The following GTF2F2 variants were observed in gnomAD, a reference collection of about 807,000 sequenced individuals.
GTF2F2 encodes ATP-dependent helicase GTF2F2.
A neutral mutation model predicts 42.2 loss-of-function variants in GTF2F2; 23 were observed. The observed-to-expected ratio is 0.55, with a 90% confidence interval of 0.39 to 0.77. The LOEUF (loss-of-function observed/expected upper bound fraction) is 0.77, where lower values mean the gene tolerates loss of function less well. Ranked by LOEUF, GTF2F2 falls within the 30% of genes least tolerant of loss-of-function variation. The pLI is 0.00. For missense variants in GTF2F2, 261 were observed against 287.2 expected, an observed-to-expected ratio of 0.91 and a Z score of 0.66; for synonymous variants, 105 against 100.8, an observed-to-expected ratio of 1.04 and a Z score of -0.25.
intron 5 of GTF2F2, among the ~76,000 whole-genome samples, chr13:45,243,725 A>G (rs1875443463): frequency 6.6e-6 from 1 of 152,152 alleles, no homozygotes; most frequent in Non-Finnish European, 1.5e-5. Context: ...CAGTGGCACA[A>G]TCTTGGCTCA....
intron 2 of GTF2F2, among the ~76,000 whole-genome samples, chr13:45,145,534 A>T (rs1870149741): frequency 6.6e-6 from 1 of 152,190 alleles, no homozygotes; most frequent in African/African-American, 2.4e-5. Context: ...CCCCACACAC[A>T]TCCCTCTTTA....
chr13:45,262,353 G>A (rs894067452), intron 6 of GTF2F2, among the ~76,000 whole-genome samples: 4 of 152,140 alleles, frequency 2.6e-5, no homozygotes, highest in Non-Finnish European at 4.4e-5. Flanking sequence ...TAGTCTGGGC[G>A]ACAGAGTGAG....
intron 5 of GTF2F2, among the ~76,000 whole-genome samples, chr13:45,230,368 G>A (rs1874614073): frequency 6.6e-6 from 1 of 152,184 alleles, no homozygotes; most frequent in Non-Finnish European, 1.5e-5. Flanking sequence ...AAGGGTGGTT[G>A]GAGGAGAATC....
intron 1 of GTF2F2, among the ~76,000 whole-genome samples, chr13:45,129,697 A>G (rs937181606): frequency 1.1e-4 from 17 of 152,254 alleles, no homozygotes; most frequent in African/African-American, 3.9e-4. Context: ...GAGATATGAC[A>G]GTAAACAAAA....
intron 5 of GTF2F2, among the ~76,000 whole-genome samples, chr13:45,211,774 A>G (rs925765982): frequency 3.3e-5 from 5 of 150,606 alleles, no homozygotes. Flanking sequence ...TTTAGGAGAG[A>G]CGGGTTTCTC....
In GTF2F2 at chr13:45,202,440, G is replaced by GGTGTGT. The variant is rs78236433; in HGVS notation, c.305-4974_305-4969dup. Among the ~76,000 whole-genome samples the GGTGTGT allele has an allele frequency of 9.9e-5, 15 of 151,620 alleles. 1 individual carries two copies. In the South Asian group the frequency reaches 2.3e-3, roughly 23 times the overall value. ...TGATCTCTAGCTAGACATCTGAGTG[G>GGTGTGT]GTGTGTGTGTGTGTGCAAGTACATG... is the stretch of plus-strand genomic sequence containing the variant. On this transcript the variant is annotated intron_variant, in intron 4 of 7. Coordinates refer to ENST00000340473, the MANE Select transcript of GTF2F2 (RefSeq NM_004128.3).
At chr13:45,251,016 A>G (rs908934233) in intron 5 of GTF2F2, among the ~76,000 whole-genome samples, 20 of 152,260 alleles carry the variant, frequency 1.3e-4, no homozygotes, top group African/African-American at 4.6e-4. Context: ...TATTTAAAGG[A>G]TAAGCATGGA....
intron 4 of GTF2F2, 83 bp downstream of exon 4, chr13:45,151,914 T>A: frequency 3.0e-6 from 1 of 330,076 alleles, no homozygotes; most frequent in Non-Finnish European, 5.3e-6. Flanking sequence ...CTATTTGCTT[T>A]TTTTTTTTTT....
At chr13:45,208,370 C>A (rs1873502007) in intron 5 of GTF2F2, among the ~76,000 whole-genome samples, 2 of 151,934 alleles carry the variant, frequency 1.3e-5, no homozygotes, top group African/African-American at 4.8e-5. Context: ...TTTTTTAAGC[C>A]CTGAGGAAAT....
At chr13:45,198,403 A>G (rs1349750288) in intron 4 of GTF2F2, among the ~76,000 whole-genome samples, 1 of 152,250 alleles carries the variant, frequency 6.6e-6, no homozygotes, top group Non-Finnish European at 1.5e-5. Flanking sequence ...CGACTGGAAG[A>G]TACAAAAAGT....
At chr13:45,170,266 C>T (rs1871527073) in intron 4 of GTF2F2, among the ~76,000 whole-genome samples, 1 of 152,196 alleles carries the variant, frequency 6.6e-6, no homozygotes, top group Admixed American at 6.5e-5. Flanking sequence ...CCTGCCTTGG[C>T]CTGCCAAAGT....
intron 4 of GTF2F2, among the ~76,000 whole-genome samples, chr13:45,157,237 G>A (rs1173007763): frequency 6.6e-6 from 1 of 152,152 alleles, no homozygotes; most frequent in Non-Finnish European, 1.5e-5. Flanking sequence ...GTGGCCAAGA[G>A]GTCAGTGTGG....
At chr13:45,142,208 C>G (rs923922307) in intron 2 of GTF2F2, among the ~76,000 whole-genome samples, 1 of 152,184 alleles carries the variant, frequency 6.6e-6, no homozygotes, top group Non-Finnish European at 1.5e-5. Flanking sequence ...GCTCTGTTGC[C>G]CAGGCTGGAG....
intron 5 of GTF2F2, among the ~76,000 whole-genome samples, chr13:45,212,507 C>CT (rs754806346): frequency 1.9e-4 from 10 of 53,682 alleles, no homozygotes; most frequent in East Asian, 1.1e-3. Context: ...TTCTTTCTTT[C>CT]TTTTCTTTCT....
chr13:45,186,566 C>T (rs559005966), intron 4 of GTF2F2, among the ~76,000 whole-genome samples: 23 of 152,232 alleles, frequency 1.5e-4, no homozygotes, highest in Admixed American at 5.2e-4. Context: ...GCTGGGATTA[C>T]AGGTGTGAGC....
At chr13:45,276,038 T>C (rs570041923) in intron 7 of GTF2F2, among the ~76,000 whole-genome samples, 2 of 152,312 alleles carry the variant, frequency 1.3e-5, no homozygotes, top group East Asian at 3.9e-4. Flanking sequence ...ATAATGTAAA[T>C]GCTATGTAAA....
intron 6 of GTF2F2, among the ~76,000 whole-genome samples, chr13:45,266,828 G>A (rs987372697): frequency 6.6e-6 from 1 of 152,172 alleles, no homozygotes; most frequent in Non-Finnish European, 1.5e-5. Context: ...CGAAACTTAC[G>A]ATCTAGTCGT....
intron 7 of GTF2F2, among the ~76,000 whole-genome samples, chr13:45,282,691 G>A (rs1877313129): frequency 6.6e-6 from 1 of 152,088 alleles, no homozygotes; most frequent in South Asian, 2.1e-4. Context: ...TTTTAGTAGA[G>A]ACGGGGTTTC....
chr13:45,151,635 T>C (rs944109960), intron 3 of GTF2F2, 52 bp from the exon 4 acceptor site: 1 of 1,163,408 alleles, frequency 8.6e-7, no homozygotes, highest in Non-Finnish European at 1.2e-6. Context: ...TTTATATATA[T>C]ATAGTTTGAA....
Sources: allele counts gnomAD v4.1 joint callset (sites outside exome capture counted in the v4.1 genomes callset), GRCh38; gene constraint gnomAD v4.1.1; transcripts MANE v1.5; gene names NCBI Gene and HGNC (gene_info 2026-07-23, HGNC 2026-07-21).